The following P3H2 variants were observed in gnomAD, a reference collection of about 807,000 sequenced individuals.
P3H2 encodes the protein leprecan-like 1.
A neutral mutation model predicts 87.0 loss-of-function variants in P3H2; 80 were observed. The ratio of observed to expected loss-of-function variants is 0.92; its 90% CI spans 0.77 to 1.11. The LOEUF is 1.11. Among genes scored for constraint, P3H2 ranks in the 50% least tolerant of loss-of-function variants. P3H2 has a pLI of 0.00. For synonymous variants in P3H2, 367 were observed against 359.3 expected (o/e 1.02, Z -0.24); for missense variants, 1,001 against 923.9 (o/e 1.08, Z -1.08).
intron 1 of P3H2, among the ~76,000 whole-genome samples, chr3:190,032,440 AT>A (rs1049150571): frequency 1.3e-5 from 2 of 152,150 alleles, no homozygotes; most frequent in African/African-American, 4.8e-5. Context: ...CACAGTAAAA[AT>A]TCAACATTAA....
At chr3:190,026,483 C>T (rs1725088870) in intron 1 of P3H2, among the ~76,000 whole-genome samples, 1 of 152,176 alleles carries the variant, frequency 6.6e-6, no homozygotes, top group African/African-American at 2.4e-5. Flanking sequence ...CACCTCCGGT[C>T]ATCCTCACTG....
rs771823732 is a variant in P3H2 at position 190,030,153 on chromosome 3, AAAGAT to A, written c.481-34716_481-34712del. On this transcript the variant is annotated intron_variant, in intron 1 of 14. Coordinates refer to ENST00000319332, the MANE Select transcript of P3H2 (RefSeq NM_018192.4). ...AAATAAATTTAAACATATAATGAGA[AAAGAT>A]AATATCTATATATTCCATACACAGA... Among the ~76,000 whole-genome samples, 4 of 152,304 alleles carry A rather than the reference AAAGAT, an allele frequency of 2.6e-5. No homozygotes were observed. In the South Asian group the frequency reaches 6.2e-4, roughly 24 times the overall value.
chr3:190,105,433 A>G (rs549467110), intron 1 of P3H2, among the ~76,000 whole-genome samples: 1 of 152,200 alleles, frequency 6.6e-6, no homozygotes, highest in East Asian at 1.9e-4. Context: ...CTCATCCTCT[A>G]TATCAGCTGT....
intron 1 of P3H2, among the ~76,000 whole-genome samples, chr3:190,103,004 T>C (rs1048882035): frequency 1.4e-4 from 22 of 152,326 alleles, no homozygotes; most frequent in African/African-American, 4.6e-4. Context: ...CAATAAAGTA[T>C]TTTTTAAAAT....
intron 1 of P3H2, among the ~76,000 whole-genome samples, chr3:190,025,801 T>A (rs964691839): frequency 2.0e-5 from 3 of 152,136 alleles, no homozygotes; most frequent in Non-Finnish European, 4.4e-5. Flanking sequence ...GAAGTAACCA[T>A]CAATGCTTCC....
intron 1 of P3H2, among the ~76,000 whole-genome samples, chr3:190,090,255 C>G (rs1380851295): frequency 1.3e-5 from 2 of 151,988 alleles, no homozygotes; most frequent in African/African-American, 4.8e-5. Flanking sequence ...TTCTCCTTTT[C>G]CTTGTGGAGT....
At chr3:190,106,931 G>GTATTA (rs1350990143) in intron 1 of P3H2, among the ~76,000 whole-genome samples, 1 of 152,044 alleles carries the variant, frequency 6.6e-6, no homozygotes, top group Non-Finnish European at 1.5e-5. Context: ...ATAATACCGG[G>GTATTA]TACACAGTAA....
intron 1 of P3H2, among the ~76,000 whole-genome samples, chr3:190,056,563 A>G (rs1409183490): frequency 6.6e-6 from 1 of 152,178 alleles, no homozygotes. Context: ...TGAAAAGCCA[A>G]ATCTACAGGG....
At chr3:190,005,496 A>G (rs1004829897) in intron 1 of P3H2, among the ~76,000 whole-genome samples, 2 of 152,246 alleles carry the variant, frequency 1.3e-5, no homozygotes, top group African/African-American at 4.8e-5. Context: ...TTCTGTCATT[A>G]TAATTTCCAA....
At chr3:190,098,047 AC>A (rs1276995732) in intron 1 of P3H2, among the ~76,000 whole-genome samples, 4 of 152,254 alleles carry the variant, frequency 2.6e-5, no homozygotes, top group South Asian at 2.1e-4. Flanking sequence ...AAATAAAAAA[AC>A]ATTTTATGAA....
intron 1 of P3H2, among the ~76,000 whole-genome samples, chr3:190,016,828 C>T (rs1401502725): frequency 6.6e-6 from 1 of 152,188 alleles, no homozygotes; most frequent in Non-Finnish European, 1.5e-5. Flanking sequence ...ACAGGACATT[C>T]ACTACCTTCC....
chr3:190,061,478 G>C (rs1359790158), intron 1 of P3H2, among the ~76,000 whole-genome samples: 1 of 152,092 alleles, frequency 6.6e-6, no homozygotes, highest in Non-Finnish European at 1.5e-5. Flanking sequence ...CTGGCAGCTA[G>C]ATGACAGGAA....
chr3:189,961,474 C>T (rs1722808614), intron 14 of P3H2, among the ~76,000 whole-genome samples: 1 of 152,100 alleles, frequency 6.6e-6, no homozygotes, highest in Non-Finnish European at 1.5e-5. Flanking sequence ...AATCGGCCAG[C>T]TCTAATGACT....
rs1712515698 is a variant in P3H2, at chr3:190,120,473, G to GGCGGGCACAGCGCGTGCGGATTTCCC, written c.233_258dup (p.His87GlyfsTer126). On this transcript the variant is annotated frameshift_variant, in exon 1 of 15. Transcript: ENST00000319332. LOFTEE classifies it high-confidence loss of function. ...GGGAGCGGGTGGCGCGCCGCGCAGT[G>GGCGGGCACAGCGCGTGCGGATTTCCC]GCGGGCACAGCGCGTGCGGATTTCC... 15 of 1,436,622 alleles carry GGCGGGCACAGCGCGTGCGGATTTCCC rather than the reference G, an allele frequency of 1.0e-5. No individual in the cohort carries two copies. The highest frequency in any genetic ancestry group is 1.5e-5 in the South Asian group (1 of 68,428). 89.0% of individuals were successfully genotyped at this position (1,436,622 alleles called of 1,614,324 possible). A position where few individuals can be genotyped will look rare whatever the true frequency, so the allele number is the denominator to read the frequency against.
At chr3:190,098,331 T>C (rs1237574460) in intron 1 of P3H2, among the ~76,000 whole-genome samples, 5 of 152,178 alleles carry the variant, frequency 3.3e-5, no homozygotes, top group Non-Finnish European at 7.3e-5. Flanking sequence ...TATAATCAGA[T>C]TGTGTACAGT....
At chr3:189,972,233 C>G (rs1461754256) in intron 11 of P3H2, among the ~76,000 whole-genome samples, 2 of 152,126 alleles carry the variant, frequency 1.3e-5, no homozygotes, top group Non-Finnish European at 2.9e-5. Flanking sequence ...GTCTCTTCAG[C>G]TATAAAAGTT....
At chr3:190,040,244 T>C (rs1725566858) in intron 1 of P3H2, among the ~76,000 whole-genome samples, 4 of 152,164 alleles carry the variant, frequency 2.6e-5, no homozygotes. Flanking sequence ...TTGAAAAACC[T>C]GGGATGAAGA....
At chr3:190,110,334 C>T (rs1048629832) in intron 1 of P3H2, among the ~76,000 whole-genome samples, 5 of 152,106 alleles carry the variant, frequency 3.3e-5, no homozygotes, top group African/African-American at 1.2e-4. Context: ...TCCTAAAATG[C>T]ACAGGACAGC....
intron 1 of P3H2, among the ~76,000 whole-genome samples, chr3:190,119,197 G>C: frequency 7.9e-6 from 1 of 125,806 alleles, no homozygotes; most frequent in African/African-American, 3.3e-5. Flanking sequence ...GAGAGGAGGG[G>C]AGAGGAGAGG....
Sources: allele counts gnomAD v4.1 joint callset (sites outside exome capture counted in the v4.1 genomes callset), GRCh38; gene constraint gnomAD v4.1.1; transcripts MANE v1.5; gene names NCBI Gene and HGNC (gene_info 2026-07-23, HGNC 2026-07-21).